The following TENM2 variants were observed in gnomAD, a reference collection of about 807,000 sequenced individuals.
The protein encoded by TENM2 is teneurin transmembrane protein 2, also known as teneurin-2.
Under a neutral mutation model 245.2 loss-of-function variants are expected in TENM2, and 52 were observed. The observed-to-expected ratio is 0.21, with a 90% CI of 0.17 to 0.27. The LOEUF is 0.27. Among genes scored for constraint, TENM2 ranks in the 10% least tolerant of loss-of-function variants. TENM2 has a pLI of 1.00. For synonymous variants in TENM2, 1,363 were observed against 1,438.9 expected (o/e 0.95, Z 1.19); for missense variants, 3,046 against 3,666.8 (o/e 0.83, Z 4.37).
At position 167,918,705 on chromosome 5, in the gene TENM2, A is replaced by G. The variant is rs193037137; in HGVS notation, c.713-33883A>G. Among the ~76,000 whole-genome samples, 204 of 151,906 alleles carry G rather than the reference A, an allele frequency of 1.3e-3. 1 individual carries two copies. The highest frequency in any genetic ancestry group is 9.3e-4 in the Non-Finnish European group (63 of 67,988). On this transcript the variant is annotated intron_variant, in intron 3 of 28. Transcript: ENST00000518659. The stretch of plus-strand genomic sequence containing the variant: ...AATCTTTCTATTAGAGAGACCAGTA[A>G]GCATTTGGCCAGCACCTCCTGTTAG...
At chr5:168,005,114 T>G (rs1476118687) in intron 5 of TENM2, among the ~76,000 whole-genome samples, 4 of 152,196 alleles carry the variant, frequency 2.6e-5, no homozygotes, top group African/African-American at 9.7e-5. Flanking sequence ...TTCAAAACTA[T>G]CAGGAATTAA....
chr5:167,941,532 A>G (rs1779177704), intron 3 of TENM2, among the ~76,000 whole-genome samples: 1 of 152,122 alleles, frequency 6.6e-6, no homozygotes, highest in African/African-American at 2.4e-5. Context: ...CTGGCAACAG[A>G]AAGTTTTTCA....
chr5:167,142,374 G>A, the TENM2 span, among the ~76,000 whole-genome samples: 3 of 151,968 alleles, frequency 2.0e-5, no homozygotes, highest in Admixed American at 6.6e-5. Flanking sequence ...AAGTCATTGA[G>A]TCTCATCATC....
At chr5:167,994,811 C>T (rs905365126) in intron 5 of TENM2, among the ~76,000 whole-genome samples, 3 of 152,146 alleles carry the variant, frequency 2.0e-5, no homozygotes, top group Admixed American at 6.5e-5. Context: ...TCACTTACCT[C>T]TTGATGAAGG....
the TENM2 span, among the ~76,000 whole-genome samples, chr5:167,217,686 T>C: frequency 6.8e-6 from 1 of 148,046 alleles, no homozygotes; most frequent in Non-Finnish European, 1.5e-5. Context: ...CCTATATATA[T>C]AAAATGATAA....
intron 2 of TENM2, among the ~76,000 whole-genome samples, chr5:167,398,556 C>T (rs1265640930): frequency 7.2e-5 from 11 of 151,906 alleles, no homozygotes; most frequent in Non-Finnish European, 1.5e-4. Context: ...CTCAGCCTCC[C>T]GAGCAGCTGA....
the TENM2 span, among the ~76,000 whole-genome samples, chr5:167,055,670 A>G: frequency 6.6e-6 from 1 of 152,044 alleles, no homozygotes; most frequent in South Asian, 2.1e-4. Context: ...TGTCAGTGCT[A>G]ATGTAAATGA....
intron 3 of TENM2, among the ~76,000 whole-genome samples, chr5:167,951,447 C>T (rs1055425539): frequency 1.3e-5 from 2 of 152,200 alleles, no homozygotes; most frequent in Admixed American, 1.3e-4. Flanking sequence ...CATCGCATAG[C>T]AAACTACTTT....
exon 18 of TENM2, chr5:168,203,704 A>G (rs1762117138): frequency 6.2e-7 from 1 of 1,609,640 alleles, no homozygotes; most frequent in Non-Finnish European, 8.5e-7. Context: ...GTCGGGTTTG[A>G]ATATGAGACC....
intron 14 of TENM2, among the ~76,000 whole-genome samples, chr5:168,194,864 G>C (rs888925200): frequency 2.0e-5 from 3 of 152,110 alleles, no homozygotes; most frequent in Admixed American, 1.3e-4. Context: ...AGGCTAAAGA[G>C]CACCTGGGAA....
rs377033147 is a variant in TENM2 at position 168,082,063 on chromosome 5, C to T, written c.1516-8511C>T. ...TTCCATTCTGCCTGTCACTTTCAGG[C>T]ACACCAATCAGACGTAGATTTGGTC... On this transcript the variant is annotated intron_variant, in intron 7 of 28. Transcript: ENST00000518659. Among the ~76,000 whole-genome samples, 27 of 152,314 alleles carry T rather than the reference C, an allele frequency of 1.8e-4. No homozygotes were observed. The South Asian group carries it at 3.1e-3, about 18-fold the overall frequency.
At chr5:167,009,690 A>AT in the TENM2 span, among the ~76,000 whole-genome samples, 23 of 150,696 alleles carry the variant, frequency 1.5e-4, no homozygotes, top group South Asian at 1.9e-3. Flanking sequence ...GCACATAAAA[A>AT]TTTTTTTTTT....
chr5:167,131,054 T>C, the TENM2 span, among the ~76,000 whole-genome samples: 1 of 152,076 alleles, frequency 6.6e-6, no homozygotes, highest in Non-Finnish European at 1.5e-5. Flanking sequence ...TCCATGTACT[T>C]TTATAGCCTG....
At chr5:167,862,625 A>C (rs1190770921) in intron 2 of TENM2, among the ~76,000 whole-genome samples, 1 of 152,200 alleles carries the variant, frequency 6.6e-6, no homozygotes, top group Non-Finnish European at 1.5e-5. Context: ...GCCTTGATGC[A>C]TAGTTTTCCC....
chr5:167,796,178 A>G (rs1765302900), intron 2 of TENM2, among the ~76,000 whole-genome samples: 1 of 152,174 alleles, frequency 6.6e-6, no homozygotes. Flanking sequence ...GTGGCCTCCT[A>G]TCTAATCTAG....
chr5:167,941,529 C>G (rs1198679519), intron 3 of TENM2, among the ~76,000 whole-genome samples: 1 of 152,018 alleles, frequency 6.6e-6, no homozygotes, highest in East Asian at 1.9e-4. Flanking sequence ...TATCTGGCAA[C>G]AGAAAGTTTT....
chr5:167,512,179 A>T (rs997933474), intron 2 of TENM2, among the ~76,000 whole-genome samples: 1 of 152,194 alleles, frequency 6.6e-6, no homozygotes, highest in African/African-American at 2.4e-5. Context: ...TAGGTAATGT[A>T]AGGAATATGA....
intron 8 of TENM2, among the ~76,000 whole-genome samples, chr5:168,092,874 T>C: frequency 6.6e-6 from 1 of 152,196 alleles, no homozygotes; most frequent in East Asian, 1.9e-4. Flanking sequence ...CAAGAACAGC[T>C]ATGCATTTAT....
intron 2 of TENM2, among the ~76,000 whole-genome samples, chr5:167,450,341 C>G: frequency 6.6e-6 from 1 of 152,112 alleles, no homozygotes; most frequent in East Asian, 1.9e-4. Flanking sequence ...TCCCTTAACA[C>G]ATGCAGTCAT....
Sources: allele counts gnomAD v4.1 joint callset (sites outside exome capture counted in the v4.1 genomes callset), GRCh38; gene constraint gnomAD v4.1.1; transcripts MANE v1.5; gene names NCBI Gene and HGNC (gene_info 2026-07-23, HGNC 2026-07-21).